NCOA4: variants seen among roughly 807,000 people sequenced by gnomAD.
The protein encoded by NCOA4 is 70 kDa AR-activator.
A neutral mutation model predicts 69.5 loss-of-function variants in NCOA4; 31 were observed. The ratio of observed to expected loss-of-function variants is 0.45; its 90% CI spans 0.34 to 0.60. The LOEUF is 0.60. Ranked by LOEUF, NCOA4 falls within the 20% of genes least tolerant of loss-of-function variation. The probability of loss-of-function intolerance (pLI) is 0.02; values close to 1 mark genes in which losing one functional copy is unlikely to be tolerated. For synonymous variants in NCOA4, 228 were observed against 252.4 expected, an observed-to-expected ratio of 0.90 and a Z score of 0.92; for missense variants, 600 against 719.2, an observed-to-expected ratio of 0.83 and a Z score of 1.90.
intron 1 of NCOA4, 138 bp from the exon 2 acceptor site, chr10:46,016,832 A>G (rs1458195507): frequency 1.1e-5 from 5 of 472,204 alleles, no homozygotes; most frequent in African/African-American, 6.0e-5. Context: ...AACCTAGCAC[A>G]TAAGATACTC....
intron 1 of NCOA4, chr10:46,023,269 A>T: frequency 1.0e-6 from 1 of 985,180 alleles, no homozygotes; most frequent in Non-Finnish European, 1.2e-6. Flanking sequence ...GCCCGGCGCC[A>T]GCCCTGCAAG....
intron 2 of NCOA4, among the ~76,000 whole-genome samples, chr10:46,015,767 G>A (rs1733379675): frequency 6.6e-6 from 1 of 152,154 alleles, no homozygotes; most frequent in Admixed American, 6.5e-5. Flanking sequence ...CCCACAGAAT[G>A]AGCGGTCCAT....
intron 4 of NCOA4, 36 bp from the exon 5 acceptor site, chr10:46,014,588 G>T: frequency 6.9e-7 from 1 of 1,450,796 alleles, no homozygotes; most frequent in South Asian, 1.2e-5. Context: ...TATTTTTAAG[G>T]AATATCTGTT....
chr10:46,010,164 AAAAT>A, intron 8 of NCOA4, 55 bp downstream of exon 8: 1 of 1,522,758 alleles, frequency 6.6e-7, no homozygotes, highest in Non-Finnish European at 8.7e-7. Context: ...ACCCCATCTC[AAAAT>A]AAATGAATAA....
chr10:46,028,694 T>C (rs1411114811), intron 1 of NCOA4, among the ~76,000 whole-genome samples: 2 of 152,166 alleles, frequency 1.3e-5, no homozygotes, highest in Non-Finnish European at 2.9e-5. Flanking sequence ...TAAGGTATTA[T>C]GTATTCATCC....
At chr10:46,023,454 A>T (rs1316039597) in intron 1 of NCOA4, 1 of 985,660 alleles carries the variant, frequency 1.0e-6, no homozygotes. Context: ...CGGCAACTCC[A>T]GTTCGCCCGG....
intron 7 of NCOA4, among the ~76,000 whole-genome samples, chr10:46,012,066 GAAAGAAAAAAAAAAAAAAAAAA>G (rs781902611): frequency 0.07 from 475 of 6,748 alleles, 4 homozygotes; most frequent in East Asian, 0.29. Context: ...GTCTCAAAAA[GAAAGAAAAAAAAAAAAAAAAAA>G]AAAAAAAAAA....
intron 5 of NCOA4, 82 bp from the exon 6 acceptor site, chr10:46,013,721 G>T: frequency 1.1e-6 from 1 of 932,738 alleles, no homozygotes; most frequent in South Asian, 1.5e-5. Flanking sequence ...TTTCAAAAAT[G>T]TTAAAGCATT....
intron 1 of NCOA4, chr10:46,022,655 C>A: frequency 6.4e-6 from 2 of 314,226 alleles, no homozygotes; most frequent in South Asian, 5.6e-5. Flanking sequence ...TTAGTAGAGA[C>A]GGGGTTTCAC....
rs1327087138 is a variant in NCOA4, at chr10:46,028,414, T to C, written c.-15+2112A>G. ...CTGTTGTATAGTAGGTGTTCAACAA[T>C]TAATTACTGAGTAAATGAATTCAGT... On this transcript the variant is annotated intron_variant, in intron 1 of 9. Transcript: ENST00000581486. 3.3e-5 allele frequency among the ~76,000 whole-genome samples: 5 copies of C among 152,052 alleles called. No homozygotes were observed. In the East Asian group the frequency reaches 7.7e-4, roughly 23 times the overall value.
intron 1 of NCOA4, chr10:46,027,355 ACAAT>A: frequency 7.8e-7 from 1 of 1,287,718 alleles, no homozygotes; most frequent in Non-Finnish European, 1.1e-6. Flanking sequence ...TTATGATTTA[ACAAT>A]CAAAGAAGAT....
At chr10:46,014,651 A>T in intron 4 of NCOA4, 99 bp from the exon 5 acceptor site, 2 of 905,104 alleles carry the variant, frequency 2.2e-6, no homozygotes, top group Non-Finnish European at 3.4e-6. Flanking sequence ...TTAAATGATT[A>T]CACTTCTCTA....
intron 6 of NCOA4, 131 bp downstream of exon 6, chr10:46,013,419 A>C (rs1839351857): frequency 1.5e-6 from 1 of 662,558 alleles, no homozygotes. Context: ...GGAAGCATTC[A>C]ATTTCATAAA....
chr10:46,014,517 G>C lies in NCOA4; in HGVS notation c.407C>G (p.Thr136Ser). ...GSLTLKPEDS[T>S]VLLFEADTIT... ...TGTGTCAGCTTCAAAGAGCAGGACAGTTGAATCTTCAGGCTTAAGGGTCAA... is the reference window on the plus strand; with the variant it reads ...TGTGTCAGCTTCAAAGAGCAGGACACTTGAATCTTCAGGCTTAAGGGTCAA... Residue 136 changes from threonine (T) to serine (S), a missense_variant, in exon 5 of 10, where the codon ACT becomes AGT. Coordinates refer to ENST00000581486, the MANE Select transcript of NCOA4 (RefSeq NM_001145263.2). 1 of 1,613,902 alleles carries C rather than the reference G, an allele frequency of 6.2e-7. No individual in the cohort carries two copies. The highest frequency in any genetic ancestry group is 8.5e-7 in the Non-Finnish European group (1 of 1,179,904).
At chr10:46,020,466 T>A (rs1235300564) in intron 1 of NCOA4, among the ~76,000 whole-genome samples, 1 of 152,222 alleles carries the variant, frequency 6.6e-6, no homozygotes, top group Non-Finnish European at 1.5e-5. Context: ...GTTATTGTTA[T>A]CAGGTTTAGC....
At chr10:46,014,686 C>T (rs1554922640) in intron 4 of NCOA4, 134 bp from the exon 5 acceptor site, 1 of 774,688 alleles carries the variant, frequency 1.3e-6, no homozygotes, top group Non-Finnish European at 2.1e-6. Context: ...AGATAGATGG[C>T]TTATTCATGT....
At chr10:46,027,679 T>C (rs972268718) in intron 1 of NCOA4, among the ~76,000 whole-genome samples, 2 of 152,246 alleles carry the variant, frequency 1.3e-5, no homozygotes, top group African/African-American at 4.8e-5. Flanking sequence ...GGTTGGGTGG[T>C]CTGTTATCGA....
At chr10:46,021,507 C>T (rs1839866896) in intron 1 of NCOA4, among the ~76,000 whole-genome samples, 1 of 152,174 alleles carries the variant, frequency 6.6e-6, no homozygotes, top group African/African-American at 2.4e-5. Flanking sequence ...GTATTATCAC[C>T]TGTAAAGTAT....
rs539362571 is a variant in NCOA4 at position 46,011,292 on chromosome 10, C to T, written c.715-86G>A. On this transcript the variant is annotated intron_variant, in intron 7 of 9. Transcript: ENST00000581486. ...GTCTGCACTTTTTCTTTTTTTGAGA[C>T]AGTCTCACTCTGTCGCCCAGGCTGG... The T allele has an allele frequency of 3.8e-5, 51 of 1,354,410 alleles. 1 individual carries two copies. In the South Asian group the frequency reaches 6.6e-4, roughly 18 times the overall value. The allele number at this position is 1,354,410 out of a possible 1,614,324, so 83.9% of individuals were successfully genotyped here.
Sources: allele counts gnomAD v4.1 joint callset (sites outside exome capture counted in the v4.1 genomes callset), GRCh38; gene constraint gnomAD v4.1.1; transcripts MANE v1.5; gene names NCBI Gene and HGNC (gene_info 2026-07-23, HGNC 2026-07-21).